DNAH11: variants seen among roughly 807,000 people sequenced by gnomAD.
DNAH11 encodes dynein axonemal heavy chain 11, also known as axonemal beta dynein heavy chain 11.
Under a neutral mutation model 526.0 loss-of-function variants are expected in DNAH11, and 442 were observed. That is an observed-to-expected ratio of 0.84 (90% CI 0.78 to 0.91). The LOEUF (loss-of-function observed/expected upper bound fraction) is 0.91, where lower values mean the gene tolerates loss of function less well. DNAH11 is among the 40% of genes least tolerant of loss of function. DNAH11 has a pLI of 0.00. For synonymous variants in DNAH11, 2,461 were observed against 1,935.9 expected, an observed-to-expected ratio of 1.27 and a Z score of -7.12; for missense variants, 6,989 against 5,448.7, an observed-to-expected ratio of 1.28 and a Z score of -8.90.
At chr7:21,717,950 A>G in intron 43 of DNAH11, 25 bp downstream of exon 43, 1 of 1,602,850 alleles carries the variant, frequency 6.2e-7, no homozygotes, top group Non-Finnish European at 8.5e-7. Flanking sequence ...ACGCCATTTA[A>G]CGTTCTAGTT....
chr7:21,824,112 A>G (rs1245940085), intron 65 of DNAH11, among the ~76,000 whole-genome samples: 10 of 152,242 alleles, frequency 6.6e-5, no homozygotes, highest in Non-Finnish European at 1.5e-5. Context: ...CTAGCTTGGC[A>G]CTGAGAAGAG....
At chr7:21,760,298 G>A (rs1469380765) in intron 54 of DNAH11, among the ~76,000 whole-genome samples, 1 of 152,116 alleles carries the variant, frequency 6.6e-6, no homozygotes, top group Non-Finnish European at 1.5e-5. Context: ...TGATAATAAG[G>A]AGACGCACAC....
intron 62 of DNAH11, among the ~76,000 whole-genome samples, chr7:21,806,548 T>C (rs1361928450): frequency 6.6e-6 from 1 of 152,208 alleles, no homozygotes; most frequent in African/African-American, 2.4e-5. Context: ...GTTGTAGATA[T>C]TAAGATAGCT....
At chr7:21,840,476 T>C (rs1002555455) in intron 65 of DNAH11, among the ~76,000 whole-genome samples, 2 of 152,198 alleles carry the variant, frequency 1.3e-5, no homozygotes, top group African/African-American at 4.8e-5. Flanking sequence ...AATAGAAGAC[T>C]GAGCCGAGAC....
At chr7:21,626,719 C>T (rs1441707623) in intron 25 of DNAH11, among the ~76,000 whole-genome samples, 3 of 138,924 alleles carry the variant, frequency 2.2e-5, no homozygotes, top group Middle Eastern at 3.8e-3. Flanking sequence ...AGCATTTTTT[C>T]ATGTAACTGA....
intron 63 of DNAH11, among the ~76,000 whole-genome samples, chr7:21,809,645 C>T (rs1185134037): frequency 6.6e-6 from 1 of 152,050 alleles, no homozygotes; most frequent in Non-Finnish European, 1.5e-5. Context: ...CCCACTACAA[C>T]CTCCGCCCCC....
Position 21,868,891 on chromosome 7 carries a change from C to T in DNAH11, c.11867C>T (p.Ser3956Phe), listed in dbSNP as rs369636720. The change falls in exon 73 of 82, where the codon TCT becomes TTT. Residue 3956 changes from serine (S) to phenylalanine (F), a missense_variant. Physicochemically the swap from Ser to Phe is radical, Grantham distance 155. Transcript: ENST00000409508. ...AAAAGACTTGGCTTTACAATTGACT[C>T]TGGAAAATTCCACAATGTGTCTTTA... ...LGKRLGFTID[S>F]GKFHNVSLGQ... is the part of the protein sequence containing the mutation. 15 of 1,613,888 alleles carry T rather than the reference C, an allele frequency of 9.3e-6. No individual in the cohort carries two copies. Among genetic ancestry groups the T allele is most frequent in the East Asian group, 4.5e-5 (2 of 44,898 alleles).
At chr7:21,718,472 C>T (rs1249807229) in intron 43 of DNAH11, among the ~76,000 whole-genome samples, 1 of 152,144 alleles carries the variant, frequency 6.6e-6, no homozygotes, top group African/African-American at 2.4e-5. Context: ...CTCCCCCTCC[C>T]AAAAATATTC....
chr7:21,591,424 G>C lies in DNAH11; in HGVS notation c.2514G>C (p.Gln838His). Residue 838 changes from glutamine to histidine, a missense_variant, in exon 14 of 82, where the codon CAG becomes CAC. By Grantham distance (24) the Gln-to-His change is conservative. Coordinates refer to ENST00000409508, the MANE Select transcript of DNAH11 (RefSeq NM_001277115.2). ...ERTQKNVKVIQQTMRGWARCV... is the reference protein window; with the variant it reads ...ERTQKNVKVIHQTMRGWARCV... ...CACAGAAAAACGTGAAGGTGATCCAGCAGACCATGAGGGGCTGGGCCAGGT... is the reference window on the plus strand; with the variant it reads ...CACAGAAAAACGTGAAGGTGATCCACCAGACCATGAGGGGCTGGGCCAGGT... 1.2e-6 allele frequency: 2 copies of C among 1,613,952 alleles called. No individual in the cohort carries two copies. The highest frequency in any genetic ancestry group is 1.7e-6 in the Non-Finnish European group (2 of 1,179,878).
At chr7:21,748,841 C>T in intron 52 of DNAH11, 99 bp downstream of exon 52, 1 of 1,282,962 alleles carries the variant, frequency 7.8e-7, no homozygotes, top group Non-Finnish European at 1.0e-6. Flanking sequence ...CCAGATTTGG[C>T]CAAGGCCTCC....
intron 28 of DNAH11, among the ~76,000 whole-genome samples, chr7:21,649,088 CATACAATGAG>C (rs909446301): frequency 5.3e-5 from 8 of 152,140 alleles, no homozygotes; most frequent in African/African-American, 1.9e-4. Context: ...TATACTTGCT[CATACAATGAG>C]ATATCAAGAT....
chr7:21,759,377 A>G (rs1740230483), intron 54 of DNAH11, among the ~76,000 whole-genome samples: 1 of 152,222 alleles, frequency 6.6e-6, no homozygotes, highest in Non-Finnish European at 1.5e-5. Context: ...AAGAAAATGT[A>G]CTGAGTGTGC....
chr7:21,658,992 A>G lies in DNAH11; in HGVS notation c.5289A>G (p.Glu1763=). The G allele has an allele frequency of 1.2e-6, 2 of 1,608,246 alleles. No individual in the cohort carries two copies. Among genetic ancestry groups the G allele is most frequent in the African/African-American group, 1.3e-5 (1 of 74,882 alleles). ...DVGIAFSRLE[E]GYETALKDFH... ...GAATAGCCTTCAGTAGACTGGAAGAAGGCTACGAAACAGCCCTGAAGGATT... is the reference window on the plus strand; with the variant it reads ...GAATAGCCTTCAGTAGACTGGAAGAGGGCTACGAAACAGCCCTGAAGGATT... The change falls in exon 30 of 82, where the codon GAA becomes GAG. Residue 1763 remains glutamate (E), a synonymous_variant. Transcript: ENST00000409508.
chr7:21,825,203 A>G (rs903072294), intron 65 of DNAH11, among the ~76,000 whole-genome samples: 2 of 152,158 alleles, frequency 1.3e-5, no homozygotes, highest in African/African-American at 4.8e-5. Context: ...ATGACTGACT[A>G]TTCCTCAATT....
intron 45 of DNAH11, among the ~76,000 whole-genome samples, chr7:21,726,464 A>T (rs984798268): frequency 3.8e-5 from 4 of 105,814 alleles, no homozygotes; most frequent in African/African-American, 1.5e-4. Context: ...CTTTTTAAAA[A>T]AAAAGTCTTT....
At position 21,591,450 on chromosome 7, in the gene DNAH11, G is replaced by A. The variant is rs760954142; in HGVS notation, c.2540G>A (p.Cys847Tyr). The A allele has an allele frequency of 3.7e-6, 6 of 1,613,970 alleles. No individual in the cohort carries two copies. The highest frequency in any genetic ancestry group is 2.2e-5 in the South Asian group (2 of 91,082). ...CAGACCATGAGGGGCTGGGCCAGGTGCGTGCTACCTCCCAGGAGAGAGCAC... is the reference window on the plus strand; with the variant it reads ...CAGACCATGAGGGGCTGGGCCAGGTACGTGCTACCTCCCAGGAGAGAGCAC... ...IQQTMRGWAR[C>Y]VLPPRREHRR... The change falls in exon 14 of 82, where the codon TGC becomes TAC. Residue 847 changes from cysteine (C) to tyrosine (Y), a missense_variant. Transcript: ENST00000409508.
intron 45 of DNAH11, among the ~76,000 whole-genome samples, chr7:21,726,672 T>C (rs1299089467): frequency 6.6e-6 from 1 of 150,858 alleles, no homozygotes; most frequent in East Asian, 2.0e-4. Flanking sequence ...CCATCCTGGC[T>C]AACACGGTGA....
intron 2 of DNAH11, among the ~76,000 whole-genome samples, chr7:21,554,922 G>T (rs1451635888): frequency 1.3e-5 from 2 of 152,148 alleles, no homozygotes; most frequent in Non-Finnish European, 2.9e-5. Flanking sequence ...AGGAGCAATT[G>T]GTTCGACTCT....
At chr7:21,674,031 TGTGTG>T (rs1782754411) in intron 30 of DNAH11, among the ~76,000 whole-genome samples, 3 of 42,020 alleles carry the variant, frequency 7.1e-5, no homozygotes, top group Admixed American at 2.7e-4. Context: ...TTTTGTTTTG[TGTGTG>T]TGTGTGTGTG....
Sources: gnomAD v4.1 joint callset for allele counts (sites outside exome capture counted in the v4.1 genomes callset) on GRCh38, gnomAD v4.1.1 for gene constraint, MANE v1.5 for transcripts, NCBI Gene and HGNC (gene_info 2026-07-23, HGNC 2026-07-21) for gene names.